Variants in PHF2 observed in about 807,000 individuals in gnomAD.
PHF2 encodes lysine-specific demethylase PHF2.
In PHF2, 27 loss-of-function variants were observed where a neutral mutation model predicts 120.5. The ratio of observed to expected loss-of-function variants is 0.22; its 90% CI spans 0.17 to 0.31. The LOEUF (loss-of-function observed/expected upper bound fraction) is 0.31, where lower values mean the gene tolerates loss of function less well. PHF2 is among the 10% of genes least tolerant of loss of function. The pLI is 1.00. For synonymous variants in PHF2, 568 were observed against 592.5 expected (o/e 0.96, Z 0.60); for missense variants, 1,024 against 1,434.8 (o/e 0.71, Z 4.63).
rs546889805 is a variant in PHF2 at position 93,656,866 on chromosome 9, T to G, written c.1147+271T>G. ...TTGAGAGGGGTGAGTGTGCATGGCCTCAGTGCAGGTATCAATCACACCTGC... is the reference window on the plus strand; with the variant it reads ...TTGAGAGGGGTGAGTGTGCATGGCCGCAGTGCAGGTATCAATCACACCTGC... On this transcript the variant is annotated intron_variant, in intron 9 of 21. Coordinates refer to ENST00000359246, the MANE Select transcript of PHF2 (RefSeq NM_005392.4). This position sits in a 1 kb window ranked among gnomAD's most constrained non-coding sequence, Gnocchi z 4.1. 6.6e-6 allele frequency among the ~76,000 whole-genome samples: 1 copy of G among 152,300 alleles called. No individual in the cohort carries two copies. The highest frequency in any genetic ancestry group is 2.1e-4 in the South Asian group (1 of 4,824).
intron 1 of PHF2, among the ~76,000 whole-genome samples, chr9:93,624,706 AGGT>A (rs974309334): frequency 1.1e-4 from 13 of 123,212 alleles, no homozygotes; most frequent in Non-Finnish European, 2.0e-4. Context: ...ATGGTGGTAG[AGGT>A]GATGATGATG....
In PHF2 at chr9:93,676,587, T is replaced by A; in HGVS notation, c.2833-7T>A. On this transcript the variant is annotated splice_region_variant and splice_polypyrimidine_tract_variant and intron_variant, in intron 20 of 21. Transcript: ENST00000359246. ...GTCTGAGGCTGCCCTGCATGTTTTG[T>A]TCAAAGGAGGAGCAGAAAAGCAAGA... 1 of 1,586,632 alleles carries A rather than the reference T, an allele frequency of 6.3e-7. No individual in the cohort carries two copies. Among genetic ancestry groups the A allele is most frequent in the Non-Finnish European group, 8.6e-7 (1 of 1,162,486 alleles).
chr9:93,582,636 AC>A (rs1228202541), intron 1 of PHF2, among the ~76,000 whole-genome samples: 1 of 150,182 alleles, frequency 6.7e-6, no homozygotes, highest in Non-Finnish European at 1.5e-5. Flanking sequence ...TTTCTCCTGG[AC>A]CCCCCCGCCA....
At chr9:93,663,054 G>T in intron 13 of PHF2, 28 bp downstream of exon 13, 4 of 1,612,078 alleles carry the variant, frequency 2.5e-6, no homozygotes, top group East Asian at 2.2e-5. Context: ...GCATGCACAC[G>T]TGTGTGTGTC....
At chr9:93,590,782 C>T (rs1420756547) in intron 1 of PHF2, among the ~76,000 whole-genome samples, 1 of 152,216 alleles carries the variant, frequency 6.6e-6, no homozygotes, top group African/African-American at 2.4e-5. Flanking sequence ...AGGGACCACC[C>T]CAGAGGCCAT....
At chr9:93,668,309 C>T (rs1826719450) in intron 17 of PHF2, among the ~76,000 whole-genome samples, 1 of 152,110 alleles carries the variant, frequency 6.6e-6, no homozygotes, top group Admixed American at 6.5e-5. Context: ...GTGCTTGTGG[C>T]TGGGGTTGAA....
In PHF2 at chr9:93,675,688, G is replaced by A. The variant is rs145252223; in HGVS notation, c.2731G>A (p.Gly911Ser). The A allele has an allele frequency of 2.1e-4, 335 of 1,610,928 alleles. No individual in the cohort carries two copies. The highest frequency in any genetic ancestry group is 2.7e-4 in the Non-Finnish European group (315 of 1,178,290). Residue 911 changes from glycine to serine, a missense_variant, in exon 20 of 22, where the codon GGC becomes AGC. By Grantham distance (56) the Gly-to-Ser change is moderately conservative. Coordinates refer to ENST00000359246, the MANE Select transcript of PHF2 (RefSeq NM_005392.4). ...GCCCTTCTTTTCCACAGCAAGGGTC[G>A]GCCCATCGGTGCCAAGACAGGACAG... ...DAPYSPTARVGPSVPRQDRPV... is the reference protein window; with the variant it reads ...DAPYSPTARVSPSVPRQDRPV...
chr9:93,662,495 G>GT (rs1826588970), intron 12 of PHF2, among the ~76,000 whole-genome samples: 1 of 150,900 alleles, frequency 6.6e-6, no homozygotes, highest in South Asian at 2.1e-4. Flanking sequence ...GAATGGGTGG[G>GT]TGGATGAATG....
intron 1 of PHF2, among the ~76,000 whole-genome samples, chr9:93,590,955 A>G (rs1825207386): frequency 6.6e-6 from 1 of 152,174 alleles, no homozygotes; most frequent in South Asian, 2.1e-4. Flanking sequence ...ATGCCTTCAC[A>G]CACCTCTGGG....
chr9:93,635,316 C>T (rs1216318428), intron 2 of PHF2, among the ~76,000 whole-genome samples: 7 of 152,174 alleles, frequency 4.6e-5, no homozygotes, highest in African/African-American at 1.2e-4. Flanking sequence ...CCACAACCAC[C>T]GAGACTCAGG....
At chr9:93,661,439 A>G (rs1335333528) in intron 12 of PHF2, among the ~76,000 whole-genome samples, 1 of 152,200 alleles carries the variant, frequency 6.6e-6, no homozygotes, top group Non-Finnish European at 1.5e-5. Context: ...GAATGGATGG[A>G]TGAATGGATG....
rs72745445 is a variant in PHF2 at position 93,587,770 on chromosome 9, T to C, written c.98+10899T>C. On this transcript the variant is annotated intron_variant, in intron 1 of 21. Transcript: ENST00000359246. ...AGGTTCTCATGGGACAGTGTTGTTA[T>C]GTGACTCTCATGATCCCAGCCTGTG... 7.0e-3 allele frequency among the ~76,000 whole-genome samples: 1,063 copies of C among 152,268 alleles called. 7 individuals are homozygous for C. The highest frequency in any genetic ancestry group is 0.011 in the Non-Finnish European group (759 of 67,994).
chr9:93,648,622 A>T (rs1826304043), intron 4 of PHF2, among the ~76,000 whole-genome samples: 1 of 152,232 alleles, frequency 6.6e-6, no homozygotes, highest in Admixed American at 6.5e-5. Flanking sequence ...AACTACAGAA[A>T]AGGCTTTTCC....
At chr9:93,633,567 T>C (rs894373438) in intron 2 of PHF2, among the ~76,000 whole-genome samples, 5 of 152,208 alleles carry the variant, frequency 3.3e-5, no homozygotes, top group Admixed American at 1.3e-4. Context: ...GGCTCTGGGA[T>C]AGGGCGCCCC....
intron 1 of PHF2, among the ~76,000 whole-genome samples, chr9:93,619,197 G>C (rs1237557563): frequency 6.6e-6 from 1 of 152,056 alleles, no homozygotes; most frequent in Non-Finnish European, 1.5e-5. Flanking sequence ...CCCTCAGTGT[G>C]CCTTTACGAG....
rs183816121 is a variant in PHF2 at position 93,622,703 on chromosome 9, T to C, written c.99-7267T>C. Among the ~76,000 whole-genome samples, 613 of 152,266 alleles carry C rather than the reference T, an allele frequency of 4.0e-3. 2 individuals are homozygous for C. Among genetic ancestry groups the C allele is most frequent in the Middle Eastern group, 0.037 (11 of 294 alleles). On this transcript the variant is annotated intron_variant, in intron 1 of 21. Transcript: ENST00000359246. ...GTGAGACCCATTTGGACTTCTGACCTCCAGCCTGGAGAGTGAATCCTTCAG... is the reference window on the plus strand; with the variant it reads ...GTGAGACCCATTTGGACTTCTGACCCCCAGCCTGGAGAGTGAATCCTTCAG...
chr9:93,602,995 C>T (rs1048620641), intron 1 of PHF2, among the ~76,000 whole-genome samples: 3 of 151,998 alleles, frequency 2.0e-5, no homozygotes, highest in African/African-American at 4.8e-5. Flanking sequence ...GCAAGGGAAC[C>T]GCTGAGTTGC....
chr9:93,622,453 A>G (rs1825840871), intron 1 of PHF2, among the ~76,000 whole-genome samples: 2 of 152,178 alleles, frequency 1.3e-5, no homozygotes, highest in East Asian at 1.9e-4. Context: ...ACTGTCCTGG[A>G]TGACCCAGCA....
At chr9:93,641,365 T>C (rs562118262) in intron 3 of PHF2, among the ~76,000 whole-genome samples, 1 of 152,096 alleles carries the variant, frequency 6.6e-6, no homozygotes, top group Non-Finnish European at 1.5e-5. Flanking sequence ...ACAAAAGTTA[T>C]CACTTAAGTG....
Sources: allele counts gnomAD v4.1 joint callset (sites outside exome capture counted in the v4.1 genomes callset), GRCh38; gene constraint gnomAD v4.1.1; non-coding constraint Gnocchi (gnomAD v3.1); transcripts MANE v1.5; gene names NCBI Gene and HGNC (gene_info 2026-07-23, HGNC 2026-07-21).